HORMAD2: variants seen among roughly 807,000 people sequenced by gnomAD.
The protein encoded by HORMAD2 is HORMA domain-containing protein 2.
A neutral mutation model predicts 38.8 loss-of-function variants in HORMAD2; 45 were observed. The ratio of observed to expected loss-of-function variants is 1.16; its 90% CI spans 0.91 to 1.49. HORMAD2 has a LOEUF of 1.49. Ranked by LOEUF, HORMAD2 falls within the 40% of genes most tolerant of loss-of-function variation. The pLI is 0.00. For missense variants in HORMAD2, 338 were observed against 367.0 expected, an observed-to-expected ratio of 0.92 and a Z score of 0.65; for synonymous variants, 126 against 122.8, an observed-to-expected ratio of 1.03 and a Z score of -0.17.
At chr22:30,189,209 G>A in the HORMAD2 span, among the ~76,000 whole-genome samples, 1 of 151,852 alleles carries the variant, frequency 6.6e-6, no homozygotes, top group Non-Finnish European at 1.5e-5. Context: ...CTGAGTCTTC[G>A]CTTCTAGTCT....
intron 10 of HORMAD2, among the ~76,000 whole-genome samples, chr22:30,163,737 C>CTTTTAT (rs944797273): frequency 8.5e-5 from 13 of 152,126 alleles, no homozygotes; most frequent in East Asian, 3.9e-4. Context: ...CATGTGCTGA[C>CTTTTAT]TTTTATTTTT....
intron 10 of HORMAD2, among the ~76,000 whole-genome samples, chr22:30,173,263 A>G (rs1279235702): frequency 6.6e-6 from 1 of 152,248 alleles, no homozygotes; most frequent in Non-Finnish European, 1.5e-5. Flanking sequence ...ATGAAGCAGA[A>G]GAGCGATGTG....
chr22:30,094,028 A>G (rs372979090), intron 2 of HORMAD2, 25 bp downstream of exon 2: 4 of 1,507,582 alleles, frequency 2.7e-6, no homozygotes, highest in Non-Finnish European at 2.7e-6. Context: ...TTAAAAGAAA[A>G]TCAATGACCA....
chr22:30,120,466 T>C (rs919903551), intron 8 of HORMAD2, among the ~76,000 whole-genome samples: 1 of 152,210 alleles, frequency 6.6e-6, no homozygotes, highest in Admixed American at 6.5e-5. Flanking sequence ...TAGGGTTATT[T>C]TTCATATTAA....
At chr22:30,160,971 C>G (rs1925405895) in intron 10 of HORMAD2, among the ~76,000 whole-genome samples, 1 of 152,128 alleles carries the variant, frequency 6.6e-6, no homozygotes, top group African/African-American at 2.4e-5. Flanking sequence ...AACTACTTCA[C>G]TTTAGGGGTT....
chr22:30,104,120 C>G lies in HORMAD2; in HGVS notation c.258-281C>G, dbSNP rs1157941756. Among the ~76,000 whole-genome samples, 6 of 152,048 alleles carry G rather than the reference C, an allele frequency of 3.9e-5. No homozygotes were observed. In the East Asian group the frequency reaches 1.2e-3, roughly 29 times the overall value. On this transcript the variant is annotated intron_variant, in intron 4 of 10. Coordinates refer to ENST00000336726, the MANE Select transcript of HORMAD2 (RefSeq NM_152510.4). ...TATATACACCTATTATGTACCCACA[C>G]AGATTTTAAAAATTGATAATTCATC...
chr22:30,108,314 T>A (rs1453111182), intron 5 of HORMAD2, among the ~76,000 whole-genome samples: 2 of 152,158 alleles, frequency 1.3e-5, no homozygotes, highest in African/African-American at 4.8e-5. Flanking sequence ...CCACAGCTTT[T>A]AAAATAAAGT....
At chr22:30,106,635 A>G (rs1921218450) in intron 5 of HORMAD2, among the ~76,000 whole-genome samples, 1 of 152,112 alleles carries the variant, frequency 6.6e-6, no homozygotes, top group Admixed American at 6.5e-5. Context: ...ACTGTTCCTC[A>G]TTGAGGGGCA....
At chr22:30,105,052 G>T in intron 5 of HORMAD2, 1 of 154,194 alleles carries the variant, frequency 6.5e-6, no homozygotes, top group South Asian at 1.8e-4. Flanking sequence ...TTTTTTCTGT[G>T]AAGCTTTTAT....
At chr22:30,190,255 C>T in the HORMAD2 span, among the ~76,000 whole-genome samples, 1 of 152,180 alleles carries the variant, frequency 6.6e-6, no homozygotes, top group Non-Finnish European at 1.5e-5. Context: ...TTCAGGGCAA[C>T]ATCTTCTCCT....
At chr22:30,129,772 G>A (rs985760154) in intron 10 of HORMAD2, among the ~76,000 whole-genome samples, 3 of 151,860 alleles carry the variant, frequency 2.0e-5, no homozygotes, top group Non-Finnish European at 4.4e-5. Context: ...AGCCTTCCAT[G>A]TACCTGAGAT....
At chr22:30,086,009 G>A (rs2068564508) in intron 1 of HORMAD2, among the ~76,000 whole-genome samples, 1 of 152,222 alleles carries the variant, frequency 6.6e-6, no homozygotes, top group Non-Finnish European at 1.5e-5. Flanking sequence ...CAAATCTCAT[G>A]TCAAATTGTA....
At chr22:30,092,675 G>A (rs1211009381) in intron 1 of HORMAD2, among the ~76,000 whole-genome samples, 1 of 152,088 alleles carries the variant, frequency 6.6e-6, no homozygotes, top group Non-Finnish European at 1.5e-5. Context: ...TGTATATGGT[G>A]AGAGACAGGG....
At chr22:30,104,561 A>G in intron 5 of HORMAD2, 124 bp downstream of exon 5, 1 of 683,428 alleles carries the variant, frequency 1.5e-6, no homozygotes, top group Non-Finnish European at 2.4e-6. Context: ...GCATCCATAA[A>G]CTAATTTCTT....
rs1926485071 is a variant in HORMAD2 at position 30,176,818 on chromosome 22, A to G, written c.*651A>G. ...GACCTATATTAAATATTTCCCAAGA[A>G]GCACTTCAGTTTATCAGTCTGTAAC... is the stretch of plus-strand genomic sequence containing the variant. On this transcript the variant is annotated 3_prime_UTR_variant, in exon 11 of 11. Transcript: ENST00000336726. 6.5e-6 allele frequency: 1 copy of G among 152,788 alleles called. No individual in the cohort carries two copies. The highest frequency in any genetic ancestry group is 1.5e-5 in the Non-Finnish European group (1 of 68,048). 9.5% of individuals were successfully genotyped at this position (152,788 alleles called of 1,614,324 possible). A position where few individuals can be genotyped will look rare whatever the true frequency, so the allele number is the denominator to read the frequency against.
At chr22:30,144,663 G>T (rs542042114) in intron 10 of HORMAD2, among the ~76,000 whole-genome samples, 1 of 151,926 alleles carries the variant, frequency 6.6e-6, no homozygotes, top group African/African-American at 2.4e-5. Flanking sequence ...TTCTCAGCTT[G>T]CCTCTCCCAG....
At chr22:30,153,043 T>C (rs73164739) in intron 10 of HORMAD2, among the ~76,000 whole-genome samples, 23,381 of 152,022 alleles carry the variant, frequency 0.15, 1,894 homozygotes, top group South Asian at 0.26. Context: ...CCTTCCCTTT[T>C]CCACACATAG....
the HORMAD2 span, among the ~76,000 whole-genome samples, chr22:30,202,526 C>G: frequency 9.2e-5 from 14 of 151,986 alleles, no homozygotes; most frequent in Non-Finnish European, 1.9e-4. Context: ...CACACCATCA[C>G]TCATGTCCAA....
intron 3 of HORMAD2, among the ~76,000 whole-genome samples, chr22:30,099,850 G>C (rs1268520175): frequency 6.6e-6 from 1 of 152,158 alleles, no homozygotes; most frequent in Non-Finnish European, 1.5e-5. Flanking sequence ...TCGTGCCATT[G>C]CACTCCAGCC....
Sources: allele counts gnomAD v4.1 joint callset (sites outside exome capture counted in the v4.1 genomes callset), GRCh38; gene constraint gnomAD v4.1.1; transcripts MANE v1.5; gene names NCBI Gene and HGNC (gene_info 2026-07-23, HGNC 2026-07-21).